Variants in KCTD15 observed in about 807,000 individuals in gnomAD.
KCTD15 encodes the protein BTB/POZ domain-containing protein KCTD15.
KCTD15 carries 11 observed loss-of-function variants against 27.2 expected under a neutral mutation model. The ratio of observed to expected loss-of-function variants is 0.41; its 90% CI spans 0.25 to 0.67. KCTD15 has a LOEUF of 0.67. Among genes scored for constraint, KCTD15 ranks in the 30% least tolerant of loss-of-function variants. The pLI is 0.35. For missense variants in KCTD15, 350 were observed against 409.3 expected (o/e 0.86, Z 1.25); for synonymous variants, 163 against 176.0 (o/e 0.93, Z 0.58).
Position 33,814,213 on chromosome 19 carries a change from T to C in KCTD15, c.*1265T>C, listed in dbSNP as rs1156521253. 2 of 152,644 alleles carry C rather than the reference T, an allele frequency of 1.3e-5. No homozygotes were observed. The highest frequency in any genetic ancestry group is 2.9e-5 in the Non-Finnish European group (2 of 68,042). The allele number at this position is 152,644 out of a possible 1,614,324, so 9.5% of individuals were successfully genotyped here. On this transcript the variant is annotated 3_prime_UTR_variant, in exon 7 of 7. Coordinates refer to ENST00000683859, the MANE Select transcript of KCTD15 (RefSeq NM_001129994.2). The stretch of plus-strand genomic sequence containing the variant: ...TTGTGTGAACACATTGCGTTCCCAG[T>C]CCATGCCATAAATGATGCTCTCAAG...
rs1313665887 is a variant in KCTD15 at position 33,811,410 on chromosome 19, G to A, written c.551G>A (p.Ser184Asn). The change falls in exon 6 of 7, where the codon AGC (serine) becomes AAC (asparagine). Residue 184 changes from serine to asparagine, a missense_variant. Coordinates refer to ENST00000683859, the MANE Select transcript of KCTD15 (RefSeq NM_001129994.2). ...GACTTGGGCGAGCGGATCGCACTCA[G>A]CGGCGAGAAGGCCCTCATCGAGGAG... is the stretch of plus-strand genomic sequence containing the variant. ...TPDLGERIAL[S>N]GEKALIEEVF... is the part of the protein sequence containing the mutation. 1 of 1,610,036 alleles carries A rather than the reference G, an allele frequency of 6.2e-7. No individual in the cohort carries two copies. The highest frequency in any genetic ancestry group is 1.1e-5 in the South Asian group (1 of 90,498).
chr19:33,799,943 T>C (rs1262043877), intron 2 of KCTD15, among the ~76,000 whole-genome samples: 1 of 152,122 alleles, frequency 6.6e-6, no homozygotes, highest in African/African-American at 2.4e-5. Flanking sequence ...CTGTATCTTA[T>C]CACCATGGGG....
intron 2 of KCTD15, chr19:33,799,833 T>C (rs1975469993): frequency 6.5e-6 from 1 of 153,014 alleles, no homozygotes; most frequent in Admixed American, 6.5e-5. Context: ...TTCTCTGCTA[T>C]TGGGAGCCAC....
Position 33,811,537 on chromosome 19 carries a change from G to C in KCTD15, c.678G>C (p.Arg226=). The part of the protein sequence containing the change: ...VIRFPLNGYC[R]LNSVQVLERL... ...GCTTCCCGCTCAATGGCTACTGCCGGCTCAACTCGGTACAGGTGAGGGCTG... is the reference window on the plus strand; with the variant it reads ...GCTTCCCGCTCAATGGCTACTGCCGCCTCAACTCGGTACAGGTGAGGGCTG... Residue 226 remains arginine, a synonymous_variant, in exon 6 of 7, where the codon CGG becomes CGC. Transcript: ENST00000683859. 1 of 1,606,036 alleles carries C rather than the reference G, an allele frequency of 6.2e-7. No individual in the cohort carries two copies. Among genetic ancestry groups the C allele is most frequent in the South Asian group, 1.1e-5 (1 of 90,466 alleles).
intron 6 of KCTD15, chr19:33,812,065 TC>T (rs1252819992): frequency 8.7e-6 from 12 of 1,382,966 alleles, no homozygotes; most frequent in South Asian, 5.3e-5. Context: ...CAACAGCTCT[TC>T]GCAGACCCAA....
At chr19:33,801,443 C>A in intron 4 of KCTD15, 101 bp downstream of exon 4, 2 of 1,053,084 alleles carry the variant, frequency 1.9e-6, no homozygotes, top group Non-Finnish European at 2.7e-6. Flanking sequence ...TCACTCCACC[C>A]ACCAGGGTCT....
At chr19:33,809,442 G>A (rs1853655344) in intron 5 of KCTD15, among the ~76,000 whole-genome samples, 1 of 152,224 alleles carries the variant, frequency 6.6e-6, no homozygotes, top group Non-Finnish European at 1.5e-5. Context: ...GAGTTGGTAA[G>A]TTGAGGCCCG....
chr19:33,802,967 C>G (rs535529867), intron 4 of KCTD15, among the ~76,000 whole-genome samples: 1 of 152,076 alleles, frequency 6.6e-6, no homozygotes, highest in Admixed American at 6.5e-5. Flanking sequence ...GGGCCATCTC[C>G]CCCCACCCAG....
intron 3 of KCTD15, 152 bp downstream of exon 3, chr19:33,800,672 C>T (rs1470949296): frequency 2.9e-6 from 2 of 697,282 alleles, no homozygotes; most frequent in Admixed American, 2.8e-5. Flanking sequence ...AACAAAAATG[C>T]TCTTAATTTG....
At chr19:33,812,716 C>T (rs1975964581) in intron 6 of KCTD15, 74 bp from the exon 7 acceptor site, 3 of 1,398,040 alleles carry the variant, frequency 2.1e-6, no homozygotes, top group Non-Finnish European at 2.8e-6. Flanking sequence ...CAGCAGGCAC[C>T]CACCTCCCTG....
chr19:33,811,154 T>G, intron 5 of KCTD15, 93 bp from the exon 6 acceptor site: 1 of 1,084,640 alleles, frequency 9.2e-7, no homozygotes, highest in Non-Finnish European at 1.3e-6. Flanking sequence ...TCCTGCAGAA[T>G]TGGTTGGAAC....
chr19:33,794,433 A>G (rs1346339699), upstream of KCTD15, among the ~76,000 whole-genome samples: 1 of 152,260 alleles, frequency 6.6e-6, no homozygotes. Context: ...CAATCTTTCA[A>G]GTATTAATTT....
rs1314444753 is a variant in KCTD15 at position 33,800,501 on chromosome 19, A to ACGGCAGCACCGGCAC, written c.50_64dup (p.Gly17_Thr21dup). On this transcript the variant is annotated inframe_insertion, in exon 3 of 7. Coordinates refer to ENST00000683859, the MANE Select transcript of KCTD15 (RefSeq NM_001129994.2). ...CCGAGCGGGTCCTCGCTTCACACAC[A>ACGGCAGCACCGGCAC]CGGCAGCACCGGCACCGCGGTGAGC... 9 of 1,602,374 alleles carry ACGGCAGCACCGGCAC rather than the reference A, an allele frequency of 5.6e-6. No individual in the cohort carries two copies. In the African/African-American group the frequency reaches 9.4e-5, roughly 17 times the overall value.
intron 4 of KCTD15, chr19:33,801,646 G>A (rs1043065618): frequency 2.8e-5 from 8 of 283,708 alleles, no homozygotes; most frequent in South Asian, 1.4e-4. Context: ...TGCCGGCAGC[G>A]GGCAGGGGAG....
chr19:33,805,842 C>T (rs911152868), intron 4 of KCTD15, among the ~76,000 whole-genome samples: 2 of 152,228 alleles, frequency 1.3e-5, no homozygotes, highest in Non-Finnish European at 2.9e-5. Flanking sequence ...CCACCCTGGG[C>T]ACTGGGGAGG....
chr19:33,806,724 G>A, intron 4 of KCTD15, 139 bp from the exon 5 acceptor site: 1 of 919,978 alleles, frequency 1.1e-6, no homozygotes, highest in South Asian at 1.6e-5. Flanking sequence ...TGTCAGGCCT[G>A]GAACAGTTCC....
intron 5 of KCTD15, among the ~76,000 whole-genome samples, chr19:33,807,797 G>C (rs909103338): frequency 6.6e-6 from 1 of 152,030 alleles, no homozygotes; most frequent in Non-Finnish European, 1.5e-5. Context: ...AAAATTAGCC[G>C]GGCATGGTGA....
At chr19:33,804,998 G>A (rs1481374706) in intron 4 of KCTD15, among the ~76,000 whole-genome samples, 1 of 152,014 alleles carries the variant, frequency 6.6e-6, no homozygotes, top group African/African-American at 2.4e-5. Flanking sequence ...TGTGATCTCG[G>A]CTCATTGCAA....
intron 6 of KCTD15, chr19:33,811,938 C>A: frequency 6.5e-7 from 1 of 1,539,060 alleles, no homozygotes; most frequent in South Asian, 1.3e-5. Flanking sequence ...CCCCTTCCCT[C>A]TCCCTGCTGA....
Sources: gnomAD v4.1 joint callset for allele counts (sites outside exome capture counted in the v4.1 genomes callset) on GRCh38, gnomAD v4.1.1 for gene constraint, MANE v1.5 for transcripts, NCBI Gene and HGNC (gene_info 2026-07-23, HGNC 2026-07-21) for gene names.